The following CNTN4 variants were observed in gnomAD, a reference collection of about 807,000 sequenced individuals.
The protein encoded by CNTN4 is contactin 4, also known as contactin-4.
Under a neutral mutation model 122.5 loss-of-function variants are expected in CNTN4, and 77 were observed. The ratio of observed to expected loss-of-function variants is 0.63; its 90% CI spans 0.52 to 0.76. The LOEUF (loss-of-function observed/expected upper bound fraction) is 0.76, where lower values mean the gene tolerates loss of function less well. Ranked by LOEUF, CNTN4 falls within the 30% of genes least tolerant of loss-of-function variation. The probability of loss-of-function intolerance (pLI) is 0.00; values close to 1 mark genes in which losing one functional copy is unlikely to be tolerated. For missense variants in CNTN4, 1,256 were observed against 1,259.1 expected (o/e 1.00, Z 0.04); for synonymous variants, 512 against 447.0 (o/e 1.15, Z -1.83).
intron 3 of CNTN4, among the ~76,000 whole-genome samples, chr3:2,520,705 T>C (rs1018222496): frequency 6.7e-6 from 1 of 150,230 alleles, no homozygotes; most frequent in Admixed American, 6.7e-5. Flanking sequence ...AGAGCCTAAA[T>C]TCCATTTAAT....
intron 13 of CNTN4, among the ~76,000 whole-genome samples, chr3:2,961,906 T>G (rs1159889811): frequency 6.6e-6 from 1 of 152,212 alleles, no homozygotes; most frequent in Non-Finnish European, 1.5e-5. Flanking sequence ...TACTCAAAAT[T>G]TTTGTGTTCC....
intron 8 of CNTN4, among the ~76,000 whole-genome samples, chr3:2,881,952 C>T (rs1191326584): frequency 6.6e-6 from 1 of 152,200 alleles, no homozygotes; most frequent in Non-Finnish European, 1.5e-5. Flanking sequence ...TAATTCCAAA[C>T]TCTTTATGGG....
chr3:2,099,416 G>C (rs1280739332), intron 1 of CNTN4: 1 of 152,536 alleles, frequency 6.6e-6, no homozygotes, highest in Non-Finnish European at 1.5e-5. Flanking sequence ...CTCTGGCGCC[G>C]GGTTCCCGGC....
chr3:2,647,480 C>T lies in CNTN4; in HGVS notation c.55+75922C>T, dbSNP rs567560992. 5.9e-5 allele frequency among the ~76,000 whole-genome samples: 9 copies of T among 152,274 alleles called. No homozygotes were observed. In the East Asian group the frequency reaches 1.2e-3, roughly 20 times the overall value. ...CCCATTTTCTGCAGCTACAGCCATG[C>T]TTTCAAAGCTATACTTTTATTTTCT... On this transcript the variant is annotated intron_variant, in intron 4 of 24. Transcript: ENST00000418658.
intron 14 of CNTN4, among the ~76,000 whole-genome samples, chr3:3,009,636 TGTTAGCCA>T (rs1697018072): frequency 6.6e-6 from 1 of 152,066 alleles, no homozygotes; most frequent in South Asian, 2.1e-4. Flanking sequence ...GGTTTCACCG[TGTTAGCCA>T]GGATGGTCTC....
intron 4 of CNTN4, among the ~76,000 whole-genome samples, chr3:2,644,635 G>A (rs1446732402): frequency 6.6e-6 from 1 of 150,860 alleles, no homozygotes; most frequent in African/African-American, 2.4e-5. Flanking sequence ...TTTCCTAAGT[G>A]AGTCCATGGA....
Position 2,585,203 on chromosome 3 carries a change from G to A in CNTN4, c.55+13645G>A, listed in dbSNP as rs368750660. On this transcript the variant is annotated intron_variant, in intron 4 of 24. Coordinates refer to ENST00000418658, the MANE Select transcript of CNTN4 (RefSeq NM_175607.3). ...GTCAGGAAACAACAGGTGCTGGAGA[G>A]GATGTGGAGAAATAGAAACACTTTT... is the stretch of plus-strand genomic sequence containing the variant. Among the ~76,000 whole-genome samples the A allele has an allele frequency of 6.6e-5, 10 of 152,236 alleles. No individual in the cohort carries two copies. In the South Asian group the frequency reaches 1.9e-3, roughly 28 times the overall value.
At chr3:2,213,430 A>G (rs1345522868) in intron 2 of CNTN4, among the ~76,000 whole-genome samples, 2 of 152,164 alleles carry the variant, frequency 1.3e-5, no homozygotes, top group African/African-American at 4.8e-5. Flanking sequence ...CTAAATTCTA[A>G]TTACCATTCA....
chr3:2,530,109 A>G (rs1458319361), intron 3 of CNTN4, among the ~76,000 whole-genome samples: 1 of 152,138 alleles, frequency 6.6e-6, no homozygotes, highest in African/African-American at 2.4e-5. Context: ...GAAATCTTGT[A>G]ATAAATCCAC....
chr3:2,741,537 A>C (rs1225435511), intron 5 of CNTN4, among the ~76,000 whole-genome samples: 1 of 152,196 alleles, frequency 6.6e-6, no homozygotes, highest in Non-Finnish European at 1.5e-5. Context: ...GCAGGTGTAA[A>C]CCAAGCACTT....
At chr3:2,121,951 G>C (rs935146224) in intron 2 of CNTN4, among the ~76,000 whole-genome samples, 2 of 151,998 alleles carry the variant, frequency 1.3e-5, no homozygotes, top group Non-Finnish European at 2.9e-5. Flanking sequence ...GGATCACGAG[G>C]TCAGGAGATC....
At chr3:2,539,818 T>A (rs1414463155) in intron 3 of CNTN4, among the ~76,000 whole-genome samples, 1 of 152,056 alleles carries the variant, frequency 6.6e-6, no homozygotes, top group East Asian at 1.9e-4. Flanking sequence ...TTTTTTCCCT[T>A]ATGATAACTG....
chr3:2,134,390 A>T (rs1232422095), intron 2 of CNTN4, among the ~76,000 whole-genome samples: 1 of 152,230 alleles, frequency 6.6e-6, no homozygotes, highest in African/African-American at 2.4e-5. Context: ...AGAGAGGCAG[A>T]CAGGTTGATG....
chr3:2,428,326 T>G (rs571380772), intron 3 of CNTN4, among the ~76,000 whole-genome samples: 5 of 152,326 alleles, frequency 3.3e-5, no homozygotes, highest in Admixed American at 1.3e-4. Context: ...CTCCTTCACT[T>G]ATGAAGCTTA....
intron 3 of CNTN4, among the ~76,000 whole-genome samples, chr3:2,351,568 C>T (rs1366711867): frequency 6.6e-6 from 1 of 152,164 alleles, no homozygotes; most frequent in Non-Finnish European, 1.5e-5. Context: ...CCCCCTTTAT[C>T]TGAGGTAGAT....
chr3:2,190,831 CACAT>C (rs770131777), intron 2 of CNTN4, among the ~76,000 whole-genome samples: 11 of 149,770 alleles, frequency 7.3e-5, no homozygotes, highest in African/African-American at 2.7e-4. Flanking sequence ...CACACACACA[CACAT>C]ACACACACAC....
At chr3:2,840,286 G>T (rs370360973) in intron 7 of CNTN4, among the ~76,000 whole-genome samples, 1 of 152,110 alleles carries the variant, frequency 6.6e-6, no homozygotes, top group Non-Finnish European at 1.5e-5. Context: ...TAGAGAGAGA[G>T]AATTTTAACC....
chr3:2,264,753 G>A (rs2040973406), intron 2 of CNTN4, among the ~76,000 whole-genome samples: 1 of 151,962 alleles, frequency 6.6e-6, no homozygotes. Context: ...ATAGTTTCAG[G>A]TCTTACATTT....
chr3:2,895,308 G>T (rs1255928804), intron 10 of CNTN4, among the ~76,000 whole-genome samples: 1 of 152,182 alleles, frequency 6.6e-6, no homozygotes, highest in East Asian at 1.9e-4. Flanking sequence ...TTAACCTAAA[G>T]ATATGAAATA....
Sources: gnomAD v4.1 joint callset for allele counts (sites outside exome capture counted in the v4.1 genomes callset) on GRCh38, gnomAD v4.1.1 for gene constraint, MANE v1.5 for transcripts, NCBI Gene and HGNC (gene_info 2026-07-23, HGNC 2026-07-21) for gene names.